The following ERBB4 variants were observed in gnomAD, a reference collection of about 807,000 sequenced individuals.
ERBB4 encodes the protein erb-b2 receptor tyrosine kinase 4.
ERBB4 carries 42 observed loss-of-function variants against 158.0 expected under a neutral mutation model. The observed-to-expected ratio is 0.27, with a 90% confidence interval of 0.21 to 0.34. ERBB4 has a LOEUF of 0.34. Among genes scored for constraint, ERBB4 ranks in the 10% least tolerant of loss-of-function variants. The pLI, the probability that ERBB4 is intolerant of heterozygous loss-of-function variation, is 1.00. For synonymous variants in ERBB4, 583 were observed against 558.7 expected (o/e 1.04, Z -0.61); for missense variants, 1,333 against 1,624.1 (o/e 0.82, Z 3.08).
At chr2:211,796,097 A>G (rs1239394715) in intron 3 of ERBB4, among the ~76,000 whole-genome samples, 1 of 151,908 alleles carries the variant, frequency 6.6e-6, no homozygotes, top group Non-Finnish European at 1.5e-5. Flanking sequence ...ACACTTATGT[A>G]ACCAGCACTC....
At chr2:211,874,442 A>G (rs1490241576) in intron 3 of ERBB4, among the ~76,000 whole-genome samples, 3 of 152,044 alleles carry the variant, frequency 2.0e-5, no homozygotes, top group African/African-American at 7.2e-5. Flanking sequence ...TTAAGTCTTC[A>G]TATTTGCTTG....
At chr2:211,774,209 A>G (rs75005287) in intron 4 of ERBB4, among the ~76,000 whole-genome samples, 25 of 151,758 alleles carry the variant, frequency 1.6e-4, no homozygotes, top group Admixed American at 1.4e-3. Flanking sequence ...AGTAGCTGGG[A>G]TTACTAGCAC....
chr2:212,149,626 A>G (rs2080804996), intron 1 of ERBB4, among the ~76,000 whole-genome samples: 1 of 152,212 alleles, frequency 6.6e-6, no homozygotes, highest in African/African-American at 2.4e-5. Context: ...TCTTATTTAG[A>G]AAAATAAAAC....
At chr2:211,649,330 C>G (rs923361293) in intron 16 of ERBB4, among the ~76,000 whole-genome samples, 1 of 151,704 alleles carries the variant, frequency 6.6e-6, no homozygotes, top group African/African-American at 2.4e-5. Flanking sequence ...GTGTAGCATA[C>G]CTGATATAGA....
chr2:211,989,511 T>C (rs1466021837), intron 2 of ERBB4, among the ~76,000 whole-genome samples: 1 of 151,946 alleles, frequency 6.6e-6, no homozygotes, highest in Non-Finnish European at 1.5e-5. Flanking sequence ...ATAATATTTC[T>C]TCTGTTTAAT....
intron 1 of ERBB4, among the ~76,000 whole-genome samples, chr2:212,344,530 A>G (rs2088888065): frequency 2.0e-5 from 3 of 152,060 alleles, no homozygotes; most frequent in African/African-American, 7.2e-5. Flanking sequence ...ATGTGTGTAT[A>G]TATATACACA....
At chr2:211,632,723 A>C (rs963917625) in intron 16 of ERBB4, among the ~76,000 whole-genome samples, 12 of 152,088 alleles carry the variant, frequency 7.9e-5, no homozygotes, top group African/African-American at 2.9e-4. Flanking sequence ...TTGCCATATA[A>C]TTACTATACA....
At chr2:211,992,941 G>A (rs2082114724) in intron 2 of ERBB4, among the ~76,000 whole-genome samples, 1 of 152,210 alleles carries the variant, frequency 6.6e-6, no homozygotes, top group African/African-American at 2.4e-5. Context: ...GTGGGTGGGA[G>A]TTTAAAAGGA....
At chr2:212,514,299 T>C (rs1691697763) in intron 1 of ERBB4, among the ~76,000 whole-genome samples, 1 of 152,150 alleles carries the variant, frequency 6.6e-6, no homozygotes, top group African/African-American at 2.4e-5. Context: ...TTCACATACT[T>C]AAAAGTAGAA....
At chr2:211,801,229 G>C (rs529831426) in intron 3 of ERBB4, among the ~76,000 whole-genome samples, 1 of 151,992 alleles carries the variant, frequency 6.6e-6, no homozygotes, top group Non-Finnish European at 1.5e-5. Flanking sequence ...AAGGTAAATT[G>C]GATTCATATG....
intron 1 of ERBB4, among the ~76,000 whole-genome samples, chr2:212,146,369 A>G (rs543059830): frequency 6.6e-6 from 1 of 152,340 alleles, no homozygotes; most frequent in African/African-American, 2.4e-5. Flanking sequence ...CATTAAATAA[A>G]TAGCCAAATA....
chr2:212,297,006 C>G (rs910842771), intron 1 of ERBB4, among the ~76,000 whole-genome samples: 4 of 151,872 alleles, frequency 2.6e-5, no homozygotes, highest in African/African-American at 9.7e-5. Flanking sequence ...TTTTTTCCCT[C>G]CCAGGCTCAT....
intron 3 of ERBB4, among the ~76,000 whole-genome samples, chr2:211,846,253 C>T (rs2077586114): frequency 6.6e-6 from 1 of 152,050 alleles, no homozygotes; most frequent in Non-Finnish European, 1.5e-5. Context: ...TAAGAACTCA[C>T]TAATCCTTTA....
intron 1 of ERBB4, among the ~76,000 whole-genome samples, chr2:212,274,413 A>G (rs2085451890): frequency 6.6e-6 from 1 of 151,934 alleles, no homozygotes; most frequent in Non-Finnish European, 1.5e-5. Flanking sequence ...GACATCCACA[A>G]TTTATTGGGA....
chr2:211,659,695 A>AT (rs1260094063), intron 15 of ERBB4, among the ~76,000 whole-genome samples: 1 of 152,240 alleles, frequency 6.6e-6, no homozygotes, highest in Non-Finnish European at 1.5e-5. Context: ...ATACTCATTC[A>AT]TTAAAAAAAG....
chr2:212,088,534 G>C (rs2078681976), intron 2 of ERBB4, among the ~76,000 whole-genome samples: 1 of 152,104 alleles, frequency 6.6e-6, no homozygotes, highest in South Asian at 2.1e-4. Flanking sequence ...CACAGAACCA[G>C]TAAACTTTAG....
At chr2:212,185,016 T>G (rs991958709) in intron 1 of ERBB4, among the ~76,000 whole-genome samples, 5 of 139,940 alleles carry the variant, frequency 3.6e-5, no homozygotes, top group African/African-American at 8.4e-5. Flanking sequence ...CAGTTACTTT[T>G]TTTTCTTTTT....
At chr2:212,197,531 TA>T (rs1286933691) in intron 1 of ERBB4, among the ~76,000 whole-genome samples, 4 of 152,170 alleles carry the variant, frequency 2.6e-5, no homozygotes, top group Admixed American at 6.5e-5. Flanking sequence ...TGCTCAAAAT[TA>T]TTTGGCTCGT....
intron 1 of ERBB4, among the ~76,000 whole-genome samples, chr2:212,233,777 A>T (rs2083747883): frequency 6.6e-6 from 1 of 152,006 alleles, no homozygotes; most frequent in South Asian, 2.1e-4. Context: ...CAAGTCAAAT[A>T]ATTTGACCAA....
Sources: allele counts gnomAD v4.1 joint callset (sites outside exome capture counted in the v4.1 genomes callset), GRCh38; gene constraint gnomAD v4.1.1; transcripts MANE v1.5; gene names NCBI Gene and HGNC (gene_info 2026-07-23, HGNC 2026-07-21).